Variants in PITPNM3 observed in about 807,000 individuals in gnomAD.
PITPNM3 encodes PITPNM family member 3, also known as membrane-associated phosphatidylinositol transfer protein 3.
A neutral mutation model predicts 102.0 loss-of-function variants in PITPNM3; 26 were observed. The observed-to-expected ratio is 0.25, with a 90% CI of 0.19 to 0.35. The LOEUF is 0.35. PITPNM3 is among the 10% of genes least tolerant of loss of function. PITPNM3 has a pLI of 1.00. For missense variants in PITPNM3, 1,083 were observed against 1,346.1 expected (o/e 0.80, Z 3.06); for synonymous variants, 578 against 558.6 (o/e 1.03, Z -0.49).
At position 6,478,591 on chromosome 17, in the gene PITPNM3, T is replaced by C. The variant is rs765232574; in HGVS notation, c.733A>G (p.Arg245Gly). Reference protein sequence around the residue: ...TVIERANQVYREFLKSSDGIG... With the variant: ...TVIERANQVYGEFLKSSDGIG... ...CCATCAGAGGACTTCAGGAACTCTC[T>C]GTAGACCTGGTTGGCTCGCTCGATG... The change falls in exon 7 of 20, where the codon AGA (arginine) becomes GGA (glycine). Residue 245 changes from arginine to glycine, a missense_variant. Transcript: ENST00000262483. The surrounding 1 kb of genome is among the most constrained non-coding windows in gnomAD (Gnocchi z 4.4). The C allele has an allele frequency of 6.2e-6, 10 of 1,614,102 alleles. No homozygotes were observed. Among genetic ancestry groups the C allele is most frequent in the Non-Finnish European group, 8.5e-6 (10 of 1,180,008 alleles).
intron 2 of PITPNM3, 137 bp from the exon 3 acceptor site, chr17:6,525,600 G>T (rs896363736): frequency 2.8e-6 from 2 of 722,030 alleles, no homozygotes; most frequent in Non-Finnish European, 5.0e-6. Flanking sequence ...TCTTGAAGGT[G>T]TCTGTAGCTA....
chr17:6,460,723 G>A (rs1320259995), intron 18 of PITPNM3: 4 of 153,568 alleles, frequency 2.6e-5, no homozygotes, highest in African/African-American at 9.6e-5. Context: ...CTGTGGGCTG[G>A]GTTTGGTCAT....
chr17:6,499,704 TTTTA>T (rs34042872), intron 4 of PITPNM3, among the ~76,000 whole-genome samples: 106,049 of 149,214 alleles, frequency 0.71, 37,967 homozygotes, highest in Middle Eastern at 0.84. Context: ...CCATCTTTTC[TTTTA>T]TTTATTTATT....
At chr17:6,548,529 C>T (rs1010504727) in intron 1 of PITPNM3, among the ~76,000 whole-genome samples, 3 of 152,070 alleles carry the variant, frequency 2.0e-5, no homozygotes, top group Non-Finnish European at 4.4e-5. Flanking sequence ...CCCACAGGGG[C>T]GACATCAGGG....
intron 1 of PITPNM3, among the ~76,000 whole-genome samples, chr17:6,538,831 G>A (rs115011830): frequency 0.02 from 3,077 of 152,236 alleles, 90 homozygotes; most frequent in African/African-American, 0.07. Context: ...AGCATGGGGC[G>A]GGGGGTGGAC....
chr17:6,488,485 T>G (rs764439640), intron 4 of PITPNM3, among the ~76,000 whole-genome samples: 1 of 152,078 alleles, frequency 6.6e-6, no homozygotes, highest in Non-Finnish European at 1.5e-5. Flanking sequence ...GAGAATAGAG[T>G]TTACCAGTTT....
In PITPNM3 at chr17:6,452,074, C is replaced by T. The variant is rs1392304269; in HGVS notation, c.*3264G>A. ...ACAGTTTAAAAACCGTGAGATCCAG[C>T]CTCGCCTCTTCTAGACAGCCCACCG... On this transcript the variant is annotated 3_prime_UTR_variant, in exon 20 of 20. Transcript: ENST00000262483. 1 of 152,142 alleles carries T rather than the reference C, an allele frequency of 6.6e-6. No homozygotes were observed. The highest frequency in any genetic ancestry group is 1.5e-5 in the Non-Finnish European group (1 of 68,036). 9.4% of individuals were successfully genotyped at this position (152,142 alleles called of 1,614,324 possible).
rs1017588929 is a variant in PITPNM3 at position 6,478,750 on chromosome 17, G to A, written c.588-14C>T. 1 of 1,553,156 alleles carries A rather than the reference G, an allele frequency of 6.4e-7. No homozygotes were observed. Among genetic ancestry groups the A allele is most frequent in the South Asian group, 1.2e-5 (1 of 85,110 alleles). ...TAGGGGTTCAGGCTGCAGACAGGGGGCCCAAGGTGAGCCCAGCCAGGATCG... is the reference window on the plus strand; with the variant it reads ...TAGGGGTTCAGGCTGCAGACAGGGGACCCAAGGTGAGCCCAGCCAGGATCG... On this transcript the variant is annotated splice_polypyrimidine_tract_variant and intron_variant, in intron 6 of 19. Coordinates refer to ENST00000262483, the MANE Select transcript of PITPNM3 (RefSeq NM_031220.4). The surrounding 1 kb of genome is among the most constrained non-coding windows in gnomAD (Gnocchi z 4.4).
chr17:6,472,822 G>C lies in PITPNM3; in HGVS notation c.1264C>G (p.Gln422Glu). 6.2e-7 allele frequency: 1 copy of C among 1,614,018 alleles called. No homozygotes were observed. The highest frequency in any genetic ancestry group is 8.5e-7 in the Non-Finnish European group (1 of 1,179,958). The change falls in exon 11 of 20, where the codon CAG (glutamine) becomes GAG (glutamate). Residue 422 changes from glutamine (Q) to glutamate (E), a missense_variant. By Grantham distance (29) the Gln-to-Glu change is conservative (BLOSUM62 2). This residue lies in a region of PITPNM3 where 410 missense variants were observed against 638.4 expected (regional missense o/e 0.64). Transcript: ENST00000262483. This position sits in a 1 kb window ranked among gnomAD's most constrained non-coding sequence, Gnocchi z 4.1. ...RTVLPGLDGF[Q>E]VRPACSQVYS... is the part of the protein sequence containing the mutation. ...ACCTGGCTGCAGGCAGGACGCACCT[G>C]GAAGCCTGGGGTGAGTGGGAAGACA...
chr17:6,475,691 G>A (rs1463359844), intron 9 of PITPNM3, among the ~76,000 whole-genome samples: 1 of 152,130 alleles, frequency 6.6e-6, no homozygotes, highest in Non-Finnish European at 1.5e-5. Flanking sequence ...ACCACCATCT[G>A]TCCCTACACC....
intron 2 of PITPNM3, among the ~76,000 whole-genome samples, chr17:6,532,079 C>CT (rs1909176528): frequency 6.6e-6 from 1 of 151,908 alleles, no homozygotes; most frequent in Non-Finnish European, 1.5e-5. Flanking sequence ...GCAGTCCAGC[C>CT]TGGGTGACAA....
intron 3 of PITPNM3, among the ~76,000 whole-genome samples, chr17:6,510,752 A>G (rs1406601438): frequency 6.6e-6 from 1 of 152,258 alleles, no homozygotes; most frequent in Non-Finnish European, 1.5e-5. Context: ...TCCGTGCTAC[A>G]GACAAGAGAC....
At chr17:6,504,178 C>A (rs1264365343) in intron 3 of PITPNM3, among the ~76,000 whole-genome samples, 34 of 152,152 alleles carry the variant, frequency 2.2e-4, no homozygotes, top group African/African-American at 8.2e-4. Flanking sequence ...ACCTCCTGGT[C>A]TCCCCAAGGG....
At chr17:6,489,802 G>A (rs972820169) in intron 4 of PITPNM3, among the ~76,000 whole-genome samples, 4 of 152,064 alleles carry the variant, frequency 2.6e-5, no homozygotes, top group African/African-American at 7.2e-5. Context: ...TCAGGAGTTC[G>A]AGACCAGCCT....
At chr17:6,535,942 T>C (rs1266958936) in intron 2 of PITPNM3, among the ~76,000 whole-genome samples, 1 of 151,622 alleles carries the variant, frequency 6.6e-6, no homozygotes, top group East Asian at 1.9e-4. Flanking sequence ...CACATGCCTG[T>C]AATCCCAGCT....
intron 10 of PITPNM3, chr17:6,473,132 T>G: frequency 2.3e-6 from 1 of 431,734 alleles, no homozygotes; most frequent in Non-Finnish European, 4.3e-6. Flanking sequence ...CCCTCCCCCA[T>G]TTCCACGGGG....
At chr17:6,540,105 G>A (rs559925747) in intron 1 of PITPNM3, among the ~76,000 whole-genome samples, 1 of 152,320 alleles carries the variant, frequency 6.6e-6, no homozygotes, top group South Asian at 2.1e-4. Context: ...CTGGGGCAGA[G>A]GGAAAGGCTG....
chr17:6,483,473 C>T (rs757827511), intron 6 of PITPNM3, 44 bp downstream of exon 6: 14 of 1,568,186 alleles, frequency 8.9e-6, no homozygotes, highest in Non-Finnish European at 1.1e-5. Flanking sequence ...CACTTAGTTC[C>T]CCCACCAACC....
intron 3 of PITPNM3, among the ~76,000 whole-genome samples, chr17:6,515,186 A>C (rs1219755746): frequency 1.3e-5 from 2 of 152,066 alleles, no homozygotes; most frequent in East Asian, 3.9e-4. Context: ...ACTTGAGGTC[A>C]GGAGTTCAAG....
Sources: allele counts gnomAD v4.1 joint callset (sites outside exome capture counted in the v4.1 genomes callset), GRCh38; gene constraint gnomAD v4.1.1; regional missense constraint gnomAD v4.1.1; non-coding constraint Gnocchi (gnomAD v3.1); transcripts MANE v1.5; gene names NCBI Gene and HGNC (gene_info 2026-07-23, HGNC 2026-07-21).